Variants in HTT observed in about 807,000 individuals in gnomAD.
HTT encodes the protein huntingtin.
Under a neutral mutation model 362.3 loss-of-function variants are expected in HTT, and 104 were observed. The observed-to-expected ratio is 0.29, with a 90% CI of 0.24 to 0.34. The LOEUF (loss-of-function observed/expected upper bound fraction) is 0.34, where lower values mean the gene tolerates loss of function less well. HTT is among the 10% of genes least tolerant of loss of function. The pLI is 1.00. For missense variants in HTT, 3,301 were observed against 3,928.6 expected (o/e 0.84, Z 4.27); for synonymous variants, 1,577 against 1,548.7 (o/e 1.02, Z -0.43).
Position 3,101,095 on chromosome 4 carries a change from G to A in HTT, c.468+1701G>A, listed in dbSNP as rs572398021. Among the ~76,000 whole-genome samples, 81 of 152,310 alleles carry A rather than the reference G, an allele frequency of 5.3e-4. 2 individuals are homozygous for A. The highest frequency in any genetic ancestry group is 3.4e-3 in the Middle Eastern group (1 of 292). On this transcript the variant is annotated intron_variant, in intron 3 of 66. Transcript: ENST00000355072. ...AAATCTAAAAAGAGGGCTATCCCAG[G>A]TTGCCTTGGTTCATGGCAAATGGGA... is the stretch of plus-strand genomic sequence containing the variant.
chr4:3,081,291 C>T (rs1168980407), intron 1 of HTT, among the ~76,000 whole-genome samples: 4 of 152,268 alleles, frequency 2.6e-5, no homozygotes, highest in African/African-American at 7.2e-5. Flanking sequence ...GTCACAGCTA[C>T]GCGGCTCTGC....
chr4:3,218,679 T>C lies in HTT; in HGVS notation c.7242+727T>C, dbSNP rs1281687610. Among the ~76,000 whole-genome samples, 1 of 151,358 alleles carries C rather than the reference T, an allele frequency of 6.6e-6. No individual in the cohort carries two copies. The highest frequency in any genetic ancestry group is 1.5e-5 in the Non-Finnish European group (1 of 67,918). On this transcript the variant is annotated intron_variant, in intron 52 of 66. Coordinates refer to ENST00000355072, the MANE Select transcript of HTT (RefSeq NM_001388492.1). The surrounding 1 kb of genome is among the most constrained non-coding windows in gnomAD (Gnocchi z 4.4). ...TATTGATCAGAACCCTTGTTTCAGA[T>C]AACATGAGGAGCTTAGCTTGAGGAG...
intron 14 of HTT, 30 bp from the exon 15 acceptor site, chr4:3,131,256 G>C: frequency 6.7e-7 from 1 of 1,489,756 alleles, no homozygotes; most frequent in South Asian, 1.1e-5. Context: ...TTGAGTATGA[G>C]ACAAACAAGT....
chr4:3,093,512 C>T (rs1306905784), intron 2 of HTT, among the ~76,000 whole-genome samples: 3 of 152,054 alleles, frequency 2.0e-5, no homozygotes, highest in South Asian at 2.1e-4. Context: ...CCCCTCTTTC[C>T]CCAAAAGATA....
Position 3,074,946 on chromosome 4 carries a change from C to CCGCCGCCGA in HTT, c.129_130insACGCCGCCG (p.Pro43_Pro44insThrProPro). The CCGCCGCCGA allele has an allele frequency of 7.6e-7, 1 of 1,323,400 alleles. No homozygotes were observed. Among genetic ancestry groups the CCGCCGCCGA allele is most frequent in the Non-Finnish European group, 9.7e-7 (1 of 1,028,934 alleles). 82.0% of individuals were successfully genotyped at this position (1,323,400 alleles called of 1,614,324 possible). A position where few individuals can be genotyped will look rare whatever the true frequency, so the allele number is the denominator to read the frequency against. On this transcript the variant is annotated inframe_insertion, in exon 1 of 67. Transcript: ENST00000355072. ...GCAGCAGCAGCAGCAACAGCCGCCA[C>CCGCCGCCGA]CGCCGCCGCCGCCGCCGCCGCCTCC...
At chr4:3,223,333 A>G in intron 54 of HTT, 73 bp from the exon 55 acceptor site, 1 of 1,417,592 alleles carries the variant, frequency 7.1e-7, no homozygotes, top group Non-Finnish European at 9.5e-7. Flanking sequence ...GGCAGGGAAG[A>G]CTCTGGGTTC....
chr4:3,122,378 A>G (rs1303117157), intron 9 of HTT, among the ~76,000 whole-genome samples: 3 of 152,238 alleles, frequency 2.0e-5, no homozygotes, highest in African/African-American at 7.2e-5. Flanking sequence ...GTGTGTGTGC[A>G]GCGTGGCCTT....
chr4:3,155,777 C>T (rs925023090), intron 27 of HTT, among the ~76,000 whole-genome samples: 2 of 146,304 alleles, frequency 1.4e-5, no homozygotes, highest in Non-Finnish European at 3.0e-5. Flanking sequence ...TCGCGCCAGT[C>T]GTCCCAGCTA....
At chr4:3,225,466 A>G (rs1720868041) in intron 56 of HTT, among the ~76,000 whole-genome samples, 195 bp from the exon 57 acceptor site, 1 of 152,252 alleles carries the variant, frequency 6.6e-6, no homozygotes, top group Non-Finnish European at 1.5e-5. Flanking sequence ...TGGCCCTGCC[A>G]GCTTAACTGG....
chr4:3,212,229 C>A, intron 48 of HTT, 87 bp downstream of exon 48: 1 of 1,024,220 alleles, frequency 9.8e-7, no homozygotes, highest in Non-Finnish European at 1.4e-6. Flanking sequence ...ACAATAAAGG[C>A]AGTGGATCTA....
At chr4:3,236,552 G>A (rs1721544470) in intron 64 of HTT, among the ~76,000 whole-genome samples, 1 of 152,194 alleles carries the variant, frequency 6.6e-6, no homozygotes, top group Admixed American at 6.5e-5. Flanking sequence ...CAGGGGGCAG[G>A]AATGACCAGC....
chr4:3,094,614 G>A (rs1713727956), intron 2 of HTT, among the ~76,000 whole-genome samples: 1 of 143,236 alleles, frequency 7.0e-6, no homozygotes, highest in South Asian at 2.1e-4. Context: ...CGGGGCGGCT[G>A]GCCGGGCGGG....
At position 3,148,220 on chromosome 4, in the gene HTT, T is replaced by C; in HGVS notation, c.3498+13T>C. ...ACCCGCAATAAAGGTAATGTCCCAC[T>C]TGGGTGCTGGATTCATACAGCCTTA... On this transcript the variant is annotated intron_variant, in intron 26 of 66. Coordinates refer to ENST00000355072, the MANE Select transcript of HTT (RefSeq NM_001388492.1). The C allele has an allele frequency of 6.5e-7, 1 of 1,544,314 alleles. No homozygotes were observed.
intron 15 of HTT, 61 bp from the exon 16 acceptor site, chr4:3,131,577 T>C: frequency 1.9e-6 from 3 of 1,599,802 alleles, no homozygotes; most frequent in African/African-American, 2.7e-5. Flanking sequence ...GGTCTGGTTT[T>C]GTTCATTTGA....
chr4:3,099,203 A>G (rs970921403), intron 2 of HTT, 71 bp from the exon 3 acceptor site: 5 of 1,003,562 alleles, frequency 5.0e-6, no homozygotes, highest in Non-Finnish European at 7.8e-6. Flanking sequence ...AGGACACCGG[A>G]TACCTCATTA....
At chr4:3,075,589 G>A (rs1412564752) in intron 1 of HTT, among the ~76,000 whole-genome samples, 1 of 145,532 alleles carries the variant, frequency 6.9e-6, no homozygotes, top group African/African-American at 2.5e-5. Context: ...GAGCTGGAGA[G>A]ATGTGGGGGC....
intron 57 of HTT, among the ~76,000 whole-genome samples, chr4:3,226,495 G>T (rs1408043362): frequency 6.6e-6 from 1 of 152,176 alleles, no homozygotes; most frequent in Admixed American, 6.5e-5. Flanking sequence ...AAACAGAAAC[G>T]TAGGGCCATT....
chr4:3,237,075 T>TTTTC (rs1560608298), intron 64 of HTT, among the ~76,000 whole-genome samples: 2 of 152,134 alleles, frequency 1.3e-5, no homozygotes, highest in African/African-American at 4.8e-5. Context: ...TTGATTTTTT[T>TTTTC]TTTTCTTTTC....
chr4:3,125,723 C>A, intron 11 of HTT, 94 bp downstream of exon 11: 1 of 891,660 alleles, frequency 1.1e-6, no homozygotes, highest in Middle Eastern at 2.3e-4. Context: ...TGGTGGACAG[C>A]ACGACTGGGG....
Sources: gnomAD v4.1 joint callset for allele counts (sites outside exome capture counted in the v4.1 genomes callset) on GRCh38, gnomAD v4.1.1 for gene constraint, Gnocchi (gnomAD v3.1) non-coding constraint, MANE v1.5 for transcripts, NCBI Gene and HGNC (gene_info 2026-07-23, HGNC 2026-07-21) for gene names.